The following SPACA7 variants were observed in gnomAD, a reference collection of about 807,000 sequenced individuals.
SPACA7 encodes sperm acrosome associated 7.
A neutral mutation model predicts 26.3 loss-of-function variants in SPACA7; 19 were observed. The observed-to-expected ratio is 0.72, with a 90% CI of 0.50 to 1.06. SPACA7 has a LOEUF of 1.06. Ranked by LOEUF, SPACA7 falls within the 50% of genes least tolerant of loss-of-function variation. The pLI is 0.00. For missense variants in SPACA7, 211 were observed against 229.9 expected (o/e 0.92, Z 0.53); for synonymous variants, 84 against 84.5 (o/e 0.99, Z 0.04).
chr13:112,382,178 GTCTCAGTCATAATC>G (rs1278045713), intron 1 of SPACA7: 14 of 412,132 alleles, frequency 3.4e-5, no homozygotes, highest in Non-Finnish European at 5.6e-5. Flanking sequence ...CTCTTTCACT[GTCTCAGTCATAATC>G]TTGCAAACGT....
chr13:112,424,813 T>C (rs1364812216), intron 5 of SPACA7, among the ~76,000 whole-genome samples: 1 of 152,030 alleles, frequency 6.6e-6, no homozygotes, highest in Non-Finnish European at 1.5e-5. Flanking sequence ...GAGCTGTCTG[T>C]TCATGCTGTC....
intron 1 of SPACA7, among the ~76,000 whole-genome samples, chr13:112,392,788 T>A (rs530153759): frequency 6.6e-6 from 1 of 152,228 alleles, no homozygotes; most frequent in East Asian, 1.9e-4. Flanking sequence ...TCCTCCATCC[T>A]CACAGCCACC....
At chr13:112,381,494 C>A (rs79884687) in intron 1 of SPACA7, among the ~76,000 whole-genome samples, 475 of 43,978 alleles carry the variant, frequency 0.011, 8 homozygotes, top group South Asian at 0.044. Flanking sequence ...CCCTGTCCCC[C>A]AAAAAAAAAA....
intron 5 of SPACA7, among the ~76,000 whole-genome samples, chr13:112,421,225 CAAAAA>C (rs59236283): frequency 6.9e-4 from 60 of 86,818 alleles, no homozygotes; most frequent in African/African-American, 2.1e-3. Context: ...AAGAAACATG[CAAAAA>C]AAAAAAAAAA....
intron 5 of SPACA7, among the ~76,000 whole-genome samples, chr13:112,406,269 C>G (rs921136310): frequency 1.3e-5 from 2 of 152,160 alleles, no homozygotes; most frequent in African/African-American, 4.8e-5. Context: ...TCCCTCCAGG[C>G]TCTGGCAGCC....
At chr13:112,414,620 A>C (rs1343061410) in intron 5 of SPACA7, among the ~76,000 whole-genome samples, 1 of 152,028 alleles carries the variant, frequency 6.6e-6, no homozygotes, top group Non-Finnish European at 1.5e-5. Flanking sequence ...CATGTTGGCC[A>C]GGCTGGTCTC....
At chr13:112,388,322 C>T (rs1252575716) in intron 1 of SPACA7, among the ~76,000 whole-genome samples, 9 of 152,326 alleles carry the variant, frequency 5.9e-5, no homozygotes, top group Non-Finnish European at 7.3e-5. Context: ...CCGAGACCCC[C>T]GAGGAGCCAA....
At chr13:112,429,666 C>A (rs546867970) in intron 5 of SPACA7, among the ~76,000 whole-genome samples, 1 of 152,150 alleles carries the variant, frequency 6.6e-6, no homozygotes, top group South Asian at 2.1e-4. Flanking sequence ...CTTTCTAATT[C>A]TACTCTCATG....
intron 5 of SPACA7, among the ~76,000 whole-genome samples, chr13:112,423,221 G>A (rs571088509): frequency 1.8e-4 from 27 of 152,222 alleles, no homozygotes; most frequent in East Asian, 1.5e-3. Context: ...AAGTATTCTC[G>A]GGGCAAATGG....
At chr13:112,404,675 C>T (rs1279576507) in intron 5 of SPACA7, among the ~76,000 whole-genome samples, 1 of 80,042 alleles carries the variant, frequency 1.2e-5, no homozygotes. Context: ...AATAGGGTGT[C>T]CTTTCTCCAC....
chr13:112,425,201 G>A (rs1174217142), intron 5 of SPACA7, among the ~76,000 whole-genome samples: 1 of 152,204 alleles, frequency 6.6e-6, no homozygotes, highest in Non-Finnish European at 1.5e-5. Flanking sequence ...CCCCTGCAGG[G>A]TGACATAGGC....
intron 5 of SPACA7, among the ~76,000 whole-genome samples, chr13:112,413,649 G>A (rs1731868683): frequency 6.6e-6 from 1 of 152,068 alleles, no homozygotes. Context: ...AAAGGTCTCT[G>A]TAATTACTTC....
At chr13:112,409,979 A>G (rs946599513) in intron 5 of SPACA7, among the ~76,000 whole-genome samples, 11 of 152,212 alleles carry the variant, frequency 7.2e-5, no homozygotes, top group Non-Finnish European at 1.2e-4. Context: ...ATGTCCATCA[A>G]TGATAGACTG....
At chr13:112,405,014 G>T (rs1041564295) in intron 5 of SPACA7, among the ~76,000 whole-genome samples, 9 of 119,896 alleles carry the variant, frequency 7.5e-5, no homozygotes, top group African/African-American at 2.7e-4. Flanking sequence ...AGACAGTCTC[G>T]CTGTGTCGCC....
At chr13:112,433,857 G>C (rs1212611401) in intron 6 of SPACA7, among the ~76,000 whole-genome samples, 4 of 152,146 alleles carry the variant, frequency 2.6e-5, no homozygotes, top group African/African-American at 9.7e-5. Flanking sequence ...ATCCCAGATT[G>C]TGCCACTGTC....
intron 4 of SPACA7, among the ~76,000 whole-genome samples, chr13:112,400,286 T>C (rs1885554576): frequency 6.6e-6 from 1 of 152,212 alleles, no homozygotes; most frequent in African/African-American, 2.4e-5. Context: ...ACTCGATTTT[T>C]TCAGGACTTA....
At chr13:112,423,003 T>C (rs1020677884) in intron 5 of SPACA7, among the ~76,000 whole-genome samples, 13 of 152,332 alleles carry the variant, frequency 8.5e-5, no homozygotes, top group Admixed American at 2.6e-4. Flanking sequence ...ATAGGAATGC[T>C]ACATTTTCTA....
At position 112,389,949 on chromosome 13, in the gene SPACA7, G is replaced by A. The variant is rs535650507; in HGVS notation, c.95-3072G>A. Among the ~76,000 whole-genome samples, 209 of 152,358 alleles carry A rather than the reference G, an allele frequency of 1.4e-3. 1 individual carries two copies. Among genetic ancestry groups the A allele is most frequent in the African/African-American group, 4.8e-3 (201 of 41,586 alleles). The stretch of plus-strand genomic sequence containing the variant: ...TATTATTTAATCTCACAGAGGCTGT[G>A]ATTGAAGCAGCCATCTGGATATATC... On this transcript the variant is annotated intron_variant, in intron 1 of 6. Transcript: ENST00000283550.
intron 6 of SPACA7, 23 bp downstream of exon 6, chr13:112,432,544 G>C: frequency 6.6e-7 from 1 of 1,523,594 alleles, no homozygotes; most frequent in African/African-American, 1.4e-5. Context: ...TAATAGATAA[G>C]TGTCTTCTCA....
Sources: allele counts gnomAD v4.1 joint callset (sites outside exome capture counted in the v4.1 genomes callset), GRCh38; gene constraint gnomAD v4.1.1; transcripts MANE v1.5; gene names NCBI Gene and HGNC (gene_info 2026-07-23, HGNC 2026-07-21).